Variants in TRAPPC13 observed in about 807,000 individuals in gnomAD.
The protein encoded by TRAPPC13 is REV7-interacting novel NHEJ regulator 1.
A neutral mutation model predicts 54.0 loss-of-function variants in TRAPPC13; 39 were observed. That is an observed-to-expected ratio of 0.72 (90% CI 0.56 to 0.94). TRAPPC13 has a LOEUF of 0.94. Among genes scored for constraint, TRAPPC13 ranks in the 40% least tolerant of loss-of-function variants. The pLI, the probability that TRAPPC13 is intolerant of heterozygous loss-of-function variation, is 0.00. For synonymous variants in TRAPPC13, 148 were observed against 167.7 expected, an observed-to-expected ratio of 0.88 and a Z score of 0.91; for missense variants, 386 against 488.1, an observed-to-expected ratio of 0.79 and a Z score of 1.97.
chr5:65,637,826 GT>G (rs70983681), intron 4 of TRAPPC13, 46 bp downstream of exon 4: 264 of 1,224,456 alleles, frequency 2.2e-4, no homozygotes, highest in Admixed American at 4.1e-4. Context: ...TTTAACAAAG[GT>G]TTTTTTTTAG....
chr5:65,636,112 A>G (rs1755734848), intron 3 of TRAPPC13, 69 bp downstream of exon 3: 1 of 983,282 alleles, frequency 1.0e-6, no homozygotes, highest in Non-Finnish European at 1.5e-6. Flanking sequence ...AAACAGAACC[A>G]TGGGATGGGG....
chr5:65,640,871 CT>C (rs1230666200), intron 4 of TRAPPC13, among the ~76,000 whole-genome samples: 1 of 151,910 alleles, frequency 6.6e-6, no homozygotes, highest in Non-Finnish European at 1.5e-5. Flanking sequence ...GTAGTACTCA[CT>C]AGGGGTCTTA....
At chr5:65,625,161 A>T in intron 1 of TRAPPC13, 55 bp downstream of exon 1, 1 of 1,459,558 alleles carries the variant, frequency 6.9e-7, no homozygotes, top group Middle Eastern at 1.7e-4. Context: ...TTCCCTACTT[A>T]TCGAAGCCTT....
In TRAPPC13 at chr5:65,647,162, C is replaced by A. The variant is rs377246348; in HGVS notation, c.408C>A (p.Val136=). 1.9e-6 allele frequency: 3 copies of A among 1,585,404 alleles called. No individual in the cohort carries two copies. Among genetic ancestry groups the A allele is most frequent in the Non-Finnish European group, 2.6e-6 (3 of 1,164,712 alleles). ...TTGATGATGTCATACATCATGAAGT[C>A]AAAGAAATTGGAACACACATGTAAG... ...CCIDDVIHHE[V]KEIGTHILVC... is the part of the protein sequence containing the mutation. Residue 136 remains valine, a synonymous_variant, in exon 5 of 13, where the codon GTC becomes GTA. Transcript: ENST00000399438.
chr5:65,641,134 A>G (rs1028626835), intron 4 of TRAPPC13, among the ~76,000 whole-genome samples: 3 of 151,958 alleles, frequency 2.0e-5, no homozygotes, highest in Non-Finnish European at 2.9e-5. Flanking sequence ...AGGTCTTGCT[A>G]TGTTGCTCAA....
chr5:65,632,027 C>T (rs1285860132), intron 1 of TRAPPC13, among the ~76,000 whole-genome samples: 1 of 151,938 alleles, frequency 6.6e-6, no homozygotes, highest in African/African-American at 2.4e-5. Flanking sequence ...AAAACACCAA[C>T]TGGTACTAAA....
intron 1 of TRAPPC13, among the ~76,000 whole-genome samples, chr5:65,628,303 G>T (rs912359461): frequency 1.3e-5 from 2 of 152,078 alleles, no homozygotes; most frequent in Non-Finnish European, 2.9e-5. Context: ...TAATTGCCTG[G>T]ATTATGAGGA....
chr5:65,639,241 G>T (rs562736580), intron 4 of TRAPPC13, among the ~76,000 whole-genome samples: 1 of 152,224 alleles, frequency 6.6e-6, no homozygotes, highest in Admixed American at 6.5e-5. Flanking sequence ...TGAGATTTGG[G>T]TGGGGACACA....
At chr5:65,629,656 A>G in intron 1 of TRAPPC13, 1 of 1,536,084 alleles carries the variant, frequency 6.5e-7, no homozygotes, top group Non-Finnish European at 8.7e-7. Flanking sequence ...CAAAAATTGC[A>G]GAAAAAGCAA....
intron 6 of TRAPPC13, among the ~76,000 whole-genome samples, chr5:65,651,747 A>C (rs1756452478): frequency 6.6e-6 from 1 of 150,970 alleles, no homozygotes; most frequent in East Asian, 1.9e-4. Context: ...TTGTAAGTGG[A>C]AGAAAAAATA....
chr5:65,632,107 A>G (rs549463210), intron 1 of TRAPPC13, among the ~76,000 whole-genome samples: 1 of 148,730 alleles, frequency 6.7e-6, no homozygotes, highest in East Asian at 2.1e-4. Context: ...TTAACCGGGC[A>G]TGGTGGCATG....
At position 65,654,518 on chromosome 5, in the gene TRAPPC13, CA is replaced by C. The variant is rs575924022; in HGVS notation, c.547-1115del. ...TACTTAATATTACCTATTAGACAAA[CA>C]AATACTGTTCAGCCACTAGCATGAG... is the stretch of plus-strand genomic sequence containing the variant. On this transcript the variant is annotated intron_variant, in intron 7 of 12. Transcript: ENST00000399438. 8.0e-3 allele frequency among the ~76,000 whole-genome samples: 1,217 copies of C among 152,148 alleles called. 8 individuals are homozygous for C. Among genetic ancestry groups the C allele is most frequent in the Non-Finnish European group, 0.014 (932 of 67,956 alleles).
At chr5:65,628,824 AT>A (rs11348831) in intron 1 of TRAPPC13, among the ~76,000 whole-genome samples, 7,805 of 144,224 alleles carry the variant, frequency 0.054, 617 homozygotes, top group African/African-American at 0.18. Context: ...ACAGATTAGA[AT>A]TTTTTTTTTT....
rs71610504 is a variant in TRAPPC13 at position 65,645,198 on chromosome 5, C to CAAAAA, written c.301-1845_301-1841dup. ...GGGCAACAAGAGTGAAACTCTGTCT[C>CAAAAA]AAAAAAAAAAAAAAAAGAATTTTGA... On this transcript the variant is annotated intron_variant, in intron 4 of 12. Coordinates refer to ENST00000399438, the MANE Select transcript of TRAPPC13 (RefSeq NM_024941.4). Among the ~76,000 whole-genome samples, 72 of 108,766 alleles carry CAAAAA rather than the reference C, an allele frequency of 6.6e-4. 3 individuals carry two copies. Among genetic ancestry groups the CAAAAA allele is most frequent in the South Asian group, 1.0e-3 (3 of 2,924 alleles). The allele number at this position is 108,766 out of a possible 152,430, so 71.4% of individuals were successfully genotyped here. A position where few individuals can be genotyped will look rare whatever the true frequency, so the allele number is the denominator to read the frequency against.
At chr5:65,658,537 T>C (rs1756733091) in intron 9 of TRAPPC13, 36 bp downstream of exon 9, 1 of 1,477,314 alleles carries the variant, frequency 6.8e-7, no homozygotes, top group Non-Finnish European at 9.0e-7. Context: ...ATCCTTGTTT[T>C]GAAAGATACA....
chr5:65,634,250 G>A (rs984991813), intron 1 of TRAPPC13, among the ~76,000 whole-genome samples: 4 of 152,084 alleles, frequency 2.6e-5, no homozygotes, highest in Non-Finnish European at 4.4e-5. Flanking sequence ...CTCCCAAAGT[G>A]CTGGGATTAC....
chr5:65,642,818 AC>A (rs1203675820), intron 4 of TRAPPC13, among the ~76,000 whole-genome samples: 7 of 152,060 alleles, frequency 4.6e-5, no homozygotes, highest in African/African-American at 1.7e-4. Flanking sequence ...ATACCACCAC[AC>A]CTGGCTAATT....
intron 1 of TRAPPC13, chr5:65,629,880 A>G (rs1159800658): frequency 6.5e-7 from 1 of 1,536,130 alleles, no homozygotes; most frequent in Non-Finnish European, 8.7e-7. Flanking sequence ...CCTAGCTTGA[A>G]AAAGCAGCAT....
At chr5:65,652,375 T>A in intron 6 of TRAPPC13, 126 bp from the exon 7 acceptor site, 8 of 409,312 alleles carry the variant, frequency 2.0e-5, no homozygotes, top group East Asian at 4.3e-5. Context: ...ATTGCATACC[T>A]ATTAGAAAAG....
Sources: allele counts gnomAD v4.1 joint callset (sites outside exome capture counted in the v4.1 genomes callset), GRCh38; gene constraint gnomAD v4.1.1; transcripts MANE v1.5; gene names NCBI Gene and HGNC (gene_info 2026-07-23, HGNC 2026-07-21).